Variants in LINGO2 observed in about 807,000 individuals in gnomAD.
LINGO2 encodes leucine-rich repeat and immunoglobulin-like domain-containing nogo receptor-interacting protein 2.
LINGO2 carries 14 observed loss-of-function variants against 30.6 expected under a neutral mutation model. The ratio of observed to expected loss-of-function variants is 0.46; its 90% CI spans 0.30 to 0.72. LINGO2 has a LOEUF of 0.72. LINGO2 is among the 30% of genes least tolerant of loss of function. The pLI is 0.07. For missense variants in LINGO2, 729 were observed against 751.7 expected (o/e 0.97, Z 0.35); for synonymous variants, 317 against 288.5 (o/e 1.10, Z -1.00).
At chr9:28,976,922 T>A in the LINGO2 span, among the ~76,000 whole-genome samples, 3 of 152,122 alleles carry the variant, frequency 2.0e-5, no homozygotes, top group East Asian at 5.8e-4. Flanking sequence ...GAATTAGTCA[T>A]ACAATGTGGC....
At chr9:27,952,591 A>G (rs1819369775) in intron 5 of LINGO2, among the ~76,000 whole-genome samples, 1 of 152,064 alleles carries the variant, frequency 6.6e-6, no homozygotes, top group African/African-American at 2.4e-5. Context: ...ACAAAAATAA[A>G]GTCAAGAAAA....
Position 28,170,451 on chromosome 9 carries a change from G to A in LINGO2, c.-87+124757C>T, listed in dbSNP as rs576939913. On this transcript the variant is annotated intron_variant, in intron 4 of 5. Coordinates refer to ENST00000379992, the Ensembl canonical transcript of LINGO2. ...GTAAAGTAAGAAGTCCCTAAATTTT[G>A]AGAAGCTACTTTTGATTTCTCTGAG... 2.2e-3 allele frequency among the ~76,000 whole-genome samples: 336 copies of A among 152,266 alleles called. 1 individual carries two copies. The highest frequency in any genetic ancestry group is 6.5e-3 in the African/African-American group (270 of 41,548).
chr9:28,890,585 T>C, the LINGO2 span, among the ~76,000 whole-genome samples: 4 of 152,078 alleles, frequency 2.6e-5, no homozygotes, highest in African/African-American at 7.2e-5. Flanking sequence ...TGGAGGACAA[T>C]GGGACATTCT....
intron 3 of LINGO2, among the ~76,000 whole-genome samples, chr9:28,370,864 T>C (rs935888222): frequency 6.6e-6 from 1 of 152,200 alleles, no homozygotes; most frequent in Non-Finnish European, 1.5e-5. Flanking sequence ...GCCTGGATTT[T>C]ATTATTTGAA....
chr9:28,537,795 G>A (rs1644801743), intron 1 of LINGO2, among the ~76,000 whole-genome samples: 1 of 151,598 alleles, frequency 6.6e-6, no homozygotes. Context: ...TATTCAAAGT[G>A]GTGGTGAATG....
chr9:28,041,954 C>G lies in LINGO2; in HGVS notation c.-86-29549G>C, dbSNP rs7859335. 6.2e-3 allele frequency among the ~76,000 whole-genome samples: 950 copies of G among 152,248 alleles called. 8 individuals are homozygous for G. Among genetic ancestry groups the G allele is most frequent in the African/African-American group, 0.018 (755 of 41,552 alleles). ...AAATAAAACAGGTGTTAGATTCAGA[C>G]AGAGCTGGTTTTAAAGCTTAGCTCT... On this transcript the variant is annotated intron_variant, in intron 4 of 5. Coordinates refer to ENST00000379992, the Ensembl canonical transcript of LINGO2.
the LINGO2 span, among the ~76,000 whole-genome samples, chr9:28,699,369 C>G: frequency 7.9e-5 from 12 of 152,036 alleles, no homozygotes; most frequent in Non-Finnish European, 1.5e-4. Context: ...GGACATTTAT[C>G]ACTTCCCTAA....
intron 1 of LINGO2, among the ~76,000 whole-genome samples, chr9:28,537,668 G>C (rs906792617): frequency 2.0e-5 from 3 of 151,972 alleles, no homozygotes; most frequent in Admixed American, 1.3e-4. Context: ...ATTAAACTCA[G>C]AGAAAGACGT....
At chr9:28,797,355 T>TAGAGAGAGAGAG in the LINGO2 span, among the ~76,000 whole-genome samples, 481 of 59,124 alleles carry the variant, frequency 8.1e-3, 2 homozygotes, top group Non-Finnish European at 9.5e-3. Flanking sequence ...TATATATATA[T>TAGAGAGAGAGAG]ATATAGAGAG....
At chr9:28,616,658 CAG>C (rs373180184) in intron 1 of LINGO2, among the ~76,000 whole-genome samples, 32 of 152,140 alleles carry the variant, frequency 2.1e-4, no homozygotes, top group Admixed American at 1.4e-3. Flanking sequence ...TTAATGAAAA[CAG>C]ACAGAACTGG....
intron 1 of LINGO2, among the ~76,000 whole-genome samples, chr9:28,562,842 GTATTTATT>G (rs761091436): frequency 2.0e-5 from 3 of 151,704 alleles, no homozygotes; most frequent in African/African-American, 7.3e-5. Flanking sequence ...ATTTATTTGT[GTATTTATT>G]TATTTATTTA....
intron 1 of LINGO2, among the ~76,000 whole-genome samples, chr9:28,504,340 A>G (rs1219260295): frequency 1.3e-5 from 2 of 151,884 alleles, no homozygotes; most frequent in African/African-American, 4.8e-5. Flanking sequence ...ATTTAGATAT[A>G]TTAAAAATAT....
the LINGO2 span, among the ~76,000 whole-genome samples, chr9:29,076,466 A>G: frequency 6.6e-6 from 1 of 151,538 alleles, no homozygotes; most frequent in African/African-American, 2.4e-5. Context: ...AGGAGCAGCA[A>G]TTAGACAGAA....
At chr9:29,127,762 C>T in the LINGO2 span, among the ~76,000 whole-genome samples, 1 of 152,114 alleles carries the variant, frequency 6.6e-6, no homozygotes, top group Non-Finnish European at 1.5e-5. Context: ...AGGGGAAGGA[C>T]TCTTTTCTGT....
At chr9:28,035,512 A>T (rs769709696) in intron 4 of LINGO2, among the ~76,000 whole-genome samples, 2 of 152,240 alleles carry the variant, frequency 1.3e-5, no homozygotes, top group Non-Finnish European at 2.9e-5. Context: ...GAAATGAAAT[A>T]GTCGAATTTT....
chr9:28,326,493 C>T (rs1014086127), intron 3 of LINGO2, among the ~76,000 whole-genome samples: 2 of 152,154 alleles, frequency 1.3e-5, no homozygotes, highest in Non-Finnish European at 1.5e-5. Flanking sequence ...TATATCACTG[C>T]TTCCTGTTTG....
At chr9:28,253,963 G>C (rs1228829147) in intron 4 of LINGO2, among the ~76,000 whole-genome samples, 1 of 152,068 alleles carries the variant, frequency 6.6e-6, no homozygotes, top group Non-Finnish European at 1.5e-5. Flanking sequence ...TGTGAAGTGG[G>C]AAGCGTACTA....
intron 2 of LINGO2, among the ~76,000 whole-genome samples, chr9:28,421,407 A>ATT (rs34930070): frequency 1.3e-5 from 2 of 148,452 alleles, no homozygotes; most frequent in Non-Finnish European, 3.0e-5. Context: ...ACCCAAAAGC[A>ATT]TTTTTTTTGC....
the LINGO2 span, among the ~76,000 whole-genome samples, chr9:29,187,043 ATGAGGTTAAGT>A: frequency 3.5e-4 from 53 of 152,266 alleles, no homozygotes; most frequent in Middle Eastern, 0.01. Context: ...AGAGTTTCAA[ATGAGGTTAAGT>A]TCCTTGTACC....
Sources: gnomAD v4.1 joint callset for allele counts (sites outside exome capture counted in the v4.1 genomes callset) on GRCh38, gnomAD v4.1.1 for gene constraint, MANE v1.5 for transcripts, NCBI Gene and HGNC (gene_info 2026-07-23, HGNC 2026-07-21) for gene names.